Variants in DIDO1 observed in about 807,000 individuals in gnomAD.
DIDO1 encodes death inducer-obliterator 1.
Under a neutral mutation model 99.4 loss-of-function variants are expected in DIDO1, and 16 were observed. That is an observed-to-expected ratio of 0.16 (90% confidence interval 0.11 to 0.24). The LOEUF is 0.24. Among genes scored for constraint, DIDO1 ranks in the 10% least tolerant of loss-of-function variants. The pLI is 1.00. For synonymous variants in DIDO1, 1,366 were observed against 1,239.1 expected (o/e 1.10, Z -2.15); for missense variants, 2,996 against 3,014.0 (o/e 0.99, Z 0.14).
intron 3 of DIDO1, 111 bp downstream of exon 3, chr20:62,910,663 T>C (rs2064912143): frequency 1.6e-6 from 2 of 1,286,486 alleles, no homozygotes; most frequent in Non-Finnish European, 2.2e-6. Flanking sequence ...TTGTTCATCT[T>C]TTCCAACAAA....
chr20:62,887,108 TGGGCACACTA>T, intron 15 of DIDO1: 2 of 985,424 alleles, frequency 2.0e-6, no homozygotes, highest in South Asian at 4.7e-5. Context: ...GCTGCAGAGC[TGGGCACACTA>T]GGGTGCACTG....
intron 6 of DIDO1, among the ~76,000 whole-genome samples, chr20:62,904,038 A>G (rs1483966615): frequency 6.6e-6 from 1 of 152,082 alleles, no homozygotes; most frequent in Non-Finnish European, 1.5e-5. Flanking sequence ...GACTCTTCCA[A>G]CTCCACATGT....
In DIDO1 at chr20:62,911,038, C is replaced by T. The variant is rs146154393; in HGVS notation, c.575G>A (p.Arg192His). The change falls in exon 3 of 16, where the codon CGC (arginine) becomes CAC (histidine). Residue 192 changes from arginine (R) to histidine (H), a missense_variant. Physicochemically the swap from Arg to His is conservative, Grantham distance 29 (BLOSUM62 0). Coordinates refer to ENST00000395343, the MANE Select transcript of DIDO1 (RefSeq NM_001193369.2). The surrounding 1 kb of genome is among the most constrained non-coding windows in gnomAD (Gnocchi z 7.0). Reference protein sequence around the residue: ...KGIQSRLRKKRREEGPAETVG... With the variant: ...KGIQSRLRKKHREEGPAETVG... ...AGTCTCGGCGGGACCCTCCTCCCGG[C>T]GCTTCTTCCGCAGGCGACTCTGGAT... 6.0e-5 allele frequency: 97 copies of T among 1,613,682 alleles called. 1 individual carries two copies. In the South Asian group the frequency reaches 6.7e-4, roughly 11 times the overall value.
chr20:62,916,989 A>C (rs1251865835), intron 1 of DIDO1, among the ~76,000 whole-genome samples: 1 of 152,174 alleles, frequency 6.6e-6, no homozygotes, highest in Non-Finnish European at 1.5e-5. Context: ...TAACAGACAG[A>C]TTCTCAATGT....
At chr20:62,889,518 G>A (rs1230391810) in intron 15 of DIDO1, 12 of 985,334 alleles carry the variant, frequency 1.2e-5, no homozygotes, top group Non-Finnish European at 1.4e-5. Context: ...TTTCCACCCC[G>A]GTAGGGAGGT....
rs1179731739 is a variant in DIDO1, at chr20:62,879,155, G to A, written c.*78C>T. The A allele has an allele frequency of 3.1e-6, 4 of 1,275,986 alleles. No homozygotes were observed. The African/African-American group carries it at 6.2e-5, about 20-fold the overall frequency. The allele number at this position is 1,275,986 out of a possible 1,614,324, so 79.0% of individuals were successfully genotyped here. ...AATATTCTATCCTGAATCTAAGATC[G>A]TGGCTATTTCAAAAGCTATTTGTTC... is the stretch of plus-strand genomic sequence containing the variant. On this transcript the variant is annotated 3_prime_UTR_variant, in exon 16 of 16. Transcript: ENST00000395343. This position sits in a 1 kb window ranked among gnomAD's most constrained non-coding sequence, Gnocchi z 6.3.
At chr20:62,930,619 GGGA>G (rs1249914813), upstream of DIDO1, among the ~76,000 whole-genome samples, 1 of 152,164 alleles carries the variant, frequency 6.6e-6, no homozygotes, top group Non-Finnish European at 1.5e-5. Context: ...GAAATGAGAT[GGGA>G]GGAGGGCATC....
intron 15 of DIDO1, among the ~76,000 whole-genome samples, chr20:62,886,484 C>T (rs1328620394): frequency 6.6e-6 from 1 of 152,130 alleles, no homozygotes; most frequent in Non-Finnish European, 1.5e-5. Flanking sequence ...ATTCGAAAAG[C>T]TGTGTGGGCC....
At chr20:62,887,658 A>G (rs1477385573) in intron 15 of DIDO1, 4 of 985,286 alleles carry the variant, frequency 4.1e-6, no homozygotes, top group Non-Finnish European at 4.8e-6. Flanking sequence ...ACAGGCAGGC[A>G]TCTTGGCTGC....
chr20:62,883,469 G>C (rs1266150576), intron 15 of DIDO1, among the ~76,000 whole-genome samples: 1 of 151,798 alleles, frequency 6.6e-6, no homozygotes, highest in Non-Finnish European at 1.5e-5. Flanking sequence ...AAGGCGGGTG[G>C]ATCACAAAGT....
At chr20:62,909,566 T>C (rs1389938058) in intron 4 of DIDO1, 133 bp downstream of exon 4, 1 of 1,004,484 alleles carries the variant, frequency 1.0e-6, no homozygotes. Flanking sequence ...CCAGGTGGAG[T>C]GAGGCAGGAA....
chr20:62,903,612 T>C (rs935491446), intron 6 of DIDO1, among the ~76,000 whole-genome samples: 6 of 152,330 alleles, frequency 3.9e-5, no homozygotes, highest in Middle Eastern at 3.4e-3. Flanking sequence ...TGGTAGCTGC[T>C]GTCACCAATG....
Position 62,877,892 on chromosome 20 carries a change from G to A in DIDO1, c.*1341C>T, listed in dbSNP as rs1443654554. On this transcript the variant is annotated 3_prime_UTR_variant, in exon 16 of 16. Transcript: ENST00000395343. ...AGAAACACACTTGATTTTTACATTT[G>A]TGTATTTAAATTAGAAAAATTTGCT... 1 of 152,174 alleles carries A rather than the reference G, an allele frequency of 6.6e-6. No homozygotes were observed. The highest frequency in any genetic ancestry group is 1.5e-5 in the Non-Finnish European group (1 of 68,030). The allele number at this position is 152,174 out of a possible 1,614,324, so 9.4% of individuals were successfully genotyped here. A position where few individuals can be genotyped will look rare whatever the true frequency, so the allele number is the denominator to read the frequency against.
intron 1 of DIDO1, among the ~76,000 whole-genome samples, chr20:62,933,937 A>G (rs2065355895): frequency 6.6e-6 from 1 of 152,202 alleles, no homozygotes; most frequent in Non-Finnish European, 1.5e-5. Flanking sequence ...TTCAATATGA[A>G]ACAACTCAAG....
In DIDO1 at chr20:62,897,007, G is replaced by C. The variant is rs1361666025; in HGVS notation, c.1589-11C>G. ...TGTCTTCCTTCGTGGCTACAAAGAA[G>C]AACACAGGCGCTGAGTAAGGGAGGA... On this transcript the variant is annotated splice_polypyrimidine_tract_variant and intron_variant, in intron 6 of 15. Coordinates refer to ENST00000395343, the MANE Select transcript of DIDO1 (RefSeq NM_001193369.2). The C allele has an allele frequency of 1.5e-5, 24 of 1,603,846 alleles. No individual in the cohort carries two copies. Among genetic ancestry groups the C allele is most frequent in the Non-Finnish European group, 2.0e-5 (23 of 1,175,040 alleles).
At position 62,894,958 on chromosome 20, in the gene DIDO1, G is replaced by C; in HGVS notation, c.2332-44C>G. On this transcript the variant is annotated intron_variant, in intron 9 of 15. Transcript: ENST00000395343. The surrounding 1 kb of genome is among the most constrained non-coding windows in gnomAD (Gnocchi z 4.4). ...AACAGAGCTTAGGCCTTGTTTTCTA[G>C]GAGGAAAGCATCGCTTATGCAGCCG... 1.2e-6 allele frequency: 2 copies of C among 1,602,684 alleles called. No individual in the cohort carries two copies. The highest frequency in any genetic ancestry group is 2.2e-5 in the South Asian group (2 of 90,378).
chr20:62,890,785 C>T (rs2064379839), intron 15 of DIDO1, 175 bp downstream of exon 15: 1 of 1,451,976 alleles, frequency 6.9e-7, no homozygotes, highest in African/African-American at 1.4e-5. Context: ...GGGTACTTCT[C>T]GTGCCACAGT....
At chr20:62,913,505 G>A (rs1249909571) in intron 2 of DIDO1, among the ~76,000 whole-genome samples, 1 of 152,240 alleles carries the variant, frequency 6.6e-6, no homozygotes, top group Admixed American at 6.5e-5. Flanking sequence ...ATATATGGTA[G>A]AGCAATTATT....
intron 2 of DIDO1, 91 bp downstream of exon 2, chr20:62,914,118 TA>T (rs1454615678): frequency 6.6e-6 from 1 of 152,244 alleles, no homozygotes; most frequent in Non-Finnish European, 1.5e-5. Flanking sequence ...TACATTCTAC[TA>T]TCAGTTTCTT....
Sources: gnomAD v4.1 joint callset for allele counts (sites outside exome capture counted in the v4.1 genomes callset) on GRCh38, gnomAD v4.1.1 for gene constraint, Gnocchi (gnomAD v3.1) non-coding constraint, MANE v1.5 for transcripts, NCBI Gene and HGNC (gene_info 2026-07-23, HGNC 2026-07-21) for gene names.